RIPOR3: variants seen among roughly 807,000 people sequenced by gnomAD.
RIPOR3 encodes RIPOR family member 3.
RIPOR3 carries 95 observed loss-of-function variants against 114.3 expected under a neutral mutation model. The observed-to-expected ratio is 0.83, with a 90% CI of 0.70 to 0.99. The LOEUF is 0.99. Ranked by LOEUF, RIPOR3 falls within the 50% of genes least tolerant of loss-of-function variation. RIPOR3 has a pLI of 0.00. For missense variants in RIPOR3, 1,252 were observed against 1,266.9 expected, an observed-to-expected ratio of 0.99 and a Z score of 0.18; for synonymous variants, 575 against 543.8, an observed-to-expected ratio of 1.06 and a Z score of -0.80.
chr20:50,589,460 G>A (rs944749317), intron 20 of RIPOR3, among the ~76,000 whole-genome samples: 18 of 151,968 alleles, frequency 1.2e-4, no homozygotes, highest in African/African-American at 4.1e-4. Flanking sequence ...AGCTAATTTT[G>A]TGTGTGTGTA....
intron 1 of RIPOR3, among the ~76,000 whole-genome samples, chr20:50,638,059 T>C (rs954947733): frequency 5.3e-5 from 8 of 151,870 alleles, no homozygotes; most frequent in African/African-American, 1.7e-4. Flanking sequence ...AAGAGACAAA[T>C]TTAAAGGACC....
intron 1 of RIPOR3, among the ~76,000 whole-genome samples, chr20:50,638,588 C>G (rs1295030792): frequency 7.2e-5 from 11 of 152,144 alleles, no homozygotes; most frequent in Non-Finnish European, 1.6e-4. Context: ...GGAAAGAAGC[C>G]TTTGAGGCCA....
At chr20:50,593,554 A>G (rs898641619) in intron 17 of RIPOR3, among the ~76,000 whole-genome samples, 2 of 151,798 alleles carry the variant, frequency 1.3e-5, no homozygotes, top group African/African-American at 4.8e-5. Flanking sequence ...CTGGGCAACC[A>G]TGAGTGAAAC....
intron 20 of RIPOR3, among the ~76,000 whole-genome samples, chr20:50,588,645 G>A (rs987980512): frequency 6.9e-6 from 1 of 143,888 alleles, no homozygotes; most frequent in Non-Finnish European, 1.5e-5. Context: ...CATAAGACAT[G>A]ATTTATGATA....
chr20:50,671,426 GCGCACACA>G (rs56029644), intron 1 of RIPOR3, among the ~76,000 whole-genome samples: 72,408 of 112,492 alleles, frequency 0.64, 19,759 homozygotes, highest in Middle Eastern at 0.74. Flanking sequence ...GCACGCGCGC[GCGCACACA>G]CACACACACA....
intron 14 of RIPOR3, 54 bp downstream of exon 14, chr20:50,597,526 T>A: frequency 6.4e-7 from 1 of 1,561,632 alleles, no homozygotes; most frequent in South Asian, 1.2e-5. Context: ...GGAGCTCGGG[T>A]CACCCGGTGG....
chr20:50,614,949 C>G (rs2084108331), intron 4 of RIPOR3, among the ~76,000 whole-genome samples: 1 of 151,776 alleles, frequency 6.6e-6, no homozygotes. Context: ...CCCAGCTACT[C>G]AGGAGGCTGA....
chr20:50,606,823 C>T (rs536867321), intron 11 of RIPOR3, among the ~76,000 whole-genome samples: 12 of 151,962 alleles, frequency 7.9e-5, no homozygotes, highest in Admixed American at 2.6e-4. Flanking sequence ...TCCGCCTCCC[C>T]GGTTCAAGCG....
intron 1 of RIPOR3, among the ~76,000 whole-genome samples, chr20:50,633,029 C>T (rs553417720): frequency 3.9e-5 from 6 of 152,286 alleles, no homozygotes; most frequent in Admixed American, 2.6e-4. Context: ...TTTGGGAGGC[C>T]GAAGCAGGCA....
chr20:50,647,775 C>T (rs1310275413), intron 1 of RIPOR3, among the ~76,000 whole-genome samples: 2 of 152,040 alleles, frequency 1.3e-5, no homozygotes, highest in East Asian at 3.9e-4. Flanking sequence ...AGCCACCGCA[C>T]CCGGCCACCT....
intron 1 of RIPOR3, among the ~76,000 whole-genome samples, chr20:50,642,204 G>T (rs988218215): frequency 6.6e-6 from 1 of 151,970 alleles, no homozygotes; most frequent in African/African-American, 2.4e-5. Flanking sequence ...CCTCTTCTGG[G>T]AATTTTCAGT....
At chr20:50,607,670 C>T (rs1052024240) in intron 11 of RIPOR3, among the ~76,000 whole-genome samples, 10 of 152,166 alleles carry the variant, frequency 6.6e-5, no homozygotes, top group African/African-American at 9.6e-5. Flanking sequence ...GTGAGGACCC[C>T]GAGGGTGCAG....
At chr20:50,653,381 G>A (rs964558461) in intron 1 of RIPOR3, among the ~76,000 whole-genome samples, 1 of 152,092 alleles carries the variant, frequency 6.6e-6, no homozygotes, top group Middle Eastern at 3.4e-3. Flanking sequence ...TTAGATAGTG[G>A]TGATGGTTGC....
intron 1 of RIPOR3, among the ~76,000 whole-genome samples, chr20:50,642,104 C>G (rs568872193): frequency 6.6e-6 from 1 of 152,160 alleles, no homozygotes; most frequent in Non-Finnish European, 1.5e-5. Flanking sequence ...TTGGCTACTA[C>G]TCTTAGGGGT....
intron 1 of RIPOR3, among the ~76,000 whole-genome samples, chr20:50,666,394 T>C (rs1291421016): frequency 6.7e-6 from 1 of 148,192 alleles, no homozygotes; most frequent in Admixed American, 6.8e-5. Flanking sequence ...CCAGCTAAAT[T>C]TTGTATTTTT....
chr20:50,679,441 G>A (rs1312996792), intron 1 of RIPOR3, among the ~76,000 whole-genome samples: 5 of 150,468 alleles, frequency 3.3e-5, no homozygotes, highest in African/African-American at 9.7e-5. Context: ...TCAGGAGTTC[G>A]AGACCAGCCT....
chr20:50,665,465 G>C (rs1187044721), intron 1 of RIPOR3, among the ~76,000 whole-genome samples: 1 of 133,262 alleles, frequency 7.5e-6, no homozygotes, highest in African/African-American at 2.8e-5. Context: ...CTGTCGCCCA[G>C]GCTGGAGGGC....
chr20:50,656,635 G>C (rs534315968), intron 1 of RIPOR3, among the ~76,000 whole-genome samples: 1 of 151,976 alleles, frequency 6.6e-6, no homozygotes, highest in South Asian at 2.1e-4. Flanking sequence ...GAGTAGCTGG[G>C]ATTACAGGCA....
chr20:50,666,222 C>CTTTTA (rs1568945086), intron 1 of RIPOR3, among the ~76,000 whole-genome samples: 1 of 98,502 alleles, frequency 1.0e-5, no homozygotes, highest in African/African-American at 4.3e-5. Context: ...CTTTTCTTTT[C>CTTTTA]TTTTTTGAGA....
Sources: gnomAD v4.1 joint callset for allele counts (sites outside exome capture counted in the v4.1 genomes callset) on GRCh38, gnomAD v4.1.1 for gene constraint, MANE v1.5 for transcripts, NCBI Gene and HGNC (gene_info 2026-07-23, HGNC 2026-07-21) for gene names.